PHF24: variants seen among roughly 807,000 people sequenced by gnomAD.
PHF24 encodes the protein PHD finger protein 24.
Under a neutral mutation model 42.6 loss-of-function variants are expected in PHF24, and 25 were observed. The observed-to-expected ratio is 0.59, with a 90% CI of 0.43 to 0.82. The LOEUF (loss-of-function observed/expected upper bound fraction) is 0.82, where lower values mean the gene tolerates loss of function less well. Ranked by LOEUF, PHF24 falls within the 40% of genes least tolerant of loss-of-function variation. PHF24 has a pLI of 0.00. For missense variants in PHF24, 470 were observed against 538.1 expected (o/e 0.87, Z 1.25); for synonymous variants, 185 against 204.8 (o/e 0.90, Z 0.83).
At chr9:34,677,946 A>C in the PHF24 span, among the ~76,000 whole-genome samples, 1 of 151,958 alleles carries the variant, frequency 6.6e-6, no homozygotes, top group Non-Finnish European at 1.5e-5. Flanking sequence ...TGTCAATTTG[A>C]TTGGATTGAA....
chr9:34,740,548 C>A, the PHF24 span, among the ~76,000 whole-genome samples: 1 of 152,226 alleles, frequency 6.6e-6, no homozygotes, highest in African/African-American at 2.4e-5. Flanking sequence ...CCCGCCAAGC[C>A]CACGCCCACC....
the PHF24 span, among the ~76,000 whole-genome samples, chr9:34,934,074 C>T: frequency 1.3e-5 from 2 of 152,234 alleles, no homozygotes; most frequent in South Asian, 2.1e-4. Context: ...ACCATCTTCA[C>T]GAGTTATTCT....
At chr9:34,892,295 A>T in the PHF24 span, among the ~76,000 whole-genome samples, 1 of 152,218 alleles carries the variant, frequency 6.6e-6, no homozygotes, top group African/African-American at 2.4e-5. Flanking sequence ...AGCTTAGGTG[A>T]ACCAGCTAGC....
chr9:34,755,323 A>G, the PHF24 span, among the ~76,000 whole-genome samples: 1 of 152,160 alleles, frequency 6.6e-6, no homozygotes, highest in African/African-American at 2.4e-5. Flanking sequence ...ATATTCCATA[A>G]ATATATACAC....
the PHF24 span, among the ~76,000 whole-genome samples, chr9:34,794,363 A>G: frequency 4.6e-5 from 7 of 152,224 alleles, no homozygotes; most frequent in African/African-American, 1.7e-4. Context: ...AACGTTATCT[A>G]TAGGATTTAA....
the PHF24 span, chr9:34,835,599 C>T: frequency 2.2e-5 from 34 of 1,551,702 alleles, no homozygotes; most frequent in Non-Finnish European, 2.8e-5. Flanking sequence ...TCATCTCCTC[C>T]TGGTTCAGTG....
the PHF24 span, among the ~76,000 whole-genome samples, chr9:34,752,324 C>T: frequency 2.0e-5 from 3 of 151,934 alleles, no homozygotes; most frequent in Admixed American, 6.6e-5. Flanking sequence ...AGAGAGAAGA[C>T]TCACATAAAA....
At chr9:34,737,448 A>G in the PHF24 span, among the ~76,000 whole-genome samples, 1 of 152,160 alleles carries the variant, frequency 6.6e-6, no homozygotes, top group Non-Finnish European at 1.5e-5. Context: ...TCATCATTTG[A>G]TTGACATTTG....
At chr9:34,892,826 C>T in the PHF24 span, 10 of 685,306 alleles carry the variant, frequency 1.5e-5, no homozygotes, top group Admixed American at 1.9e-4. Context: ...ATCTTGGACG[C>T]TGTCTGCACC....
chr9:34,724,533 G>GT, the PHF24 span: 1 of 1,549,620 alleles, frequency 6.5e-7, no homozygotes, highest in Non-Finnish European at 8.7e-7. Context: ...ATTCCCCATT[G>GT]TATCTCTAGG....
the PHF24 span, among the ~76,000 whole-genome samples, chr9:34,938,256 G>A: frequency 6.6e-6 from 1 of 152,190 alleles, no homozygotes; most frequent in African/African-American, 2.4e-5. Flanking sequence ...GCAGTGAGGG[G>A]AAGTTCAGCA....
chr9:34,760,912 A>C, the PHF24 span, among the ~76,000 whole-genome samples: 3 of 152,064 alleles, frequency 2.0e-5, no homozygotes, highest in Non-Finnish European at 4.4e-5. Flanking sequence ...GGATTGCTTC[A>C]GCCCAGGAGG....
At chr9:34,970,083 G>A (rs1441011397) in intron 1 of PHF24, among the ~76,000 whole-genome samples, 1 of 152,172 alleles carries the variant, frequency 6.6e-6, no homozygotes, top group African/African-American at 2.4e-5. Context: ...ACATAATACT[G>A]TTCAATAAGC....
At chr9:34,789,212 C>G in the PHF24 span, among the ~76,000 whole-genome samples, 1 of 152,144 alleles carries the variant, frequency 6.6e-6, no homozygotes, top group Non-Finnish European at 1.5e-5. Context: ...ACTCTGATAC[C>G]GTGAAAACCT....
the PHF24 span, among the ~76,000 whole-genome samples, chr9:34,841,166 AT>A: frequency 6.6e-6 from 1 of 151,786 alleles, no homozygotes; most frequent in African/African-American, 2.4e-5. Flanking sequence ...CACCCGGCTA[AT>A]TTTTTGTATT....
the PHF24 span, among the ~76,000 whole-genome samples, chr9:34,856,184 A>C: frequency 2.1e-4 from 32 of 152,270 alleles, no homozygotes; most frequent in South Asian, 3.3e-3. Flanking sequence ...TTGTTTTACC[A>C]TGATTCTTAG....
At chr9:34,701,062 G>A in the PHF24 span, among the ~76,000 whole-genome samples, 11 of 152,154 alleles carry the variant, frequency 7.2e-5, no homozygotes, top group Non-Finnish European at 1.5e-4. The surrounding 1 kb of genome is among the most constrained non-coding windows in gnomAD (Gnocchi z 5.8). Flanking sequence ...CGTTTATACA[G>A]GGTTCTTGGT....
the PHF24 span, among the ~76,000 whole-genome samples, chr9:34,821,149 A>G: frequency 6.6e-6 from 1 of 152,116 alleles, no homozygotes; most frequent in Admixed American, 6.5e-5. Context: ...TCTTATTAGG[A>G]TTTTTAGAAC....
chr9:34,728,016 G>C, the PHF24 span: 1 of 1,551,918 alleles, frequency 6.4e-7, no homozygotes, highest in Non-Finnish European at 8.7e-7. Context: ...AAGAGCAATA[G>C]ATCACCTTTT....
Sources: gnomAD v4.1 joint callset for allele counts (sites outside exome capture counted in the v4.1 genomes callset) on GRCh38, gnomAD v4.1.1 for gene constraint, Gnocchi (gnomAD v3.1) non-coding constraint, MANE v1.5 for transcripts, NCBI Gene and HGNC (gene_info 2026-07-23, HGNC 2026-07-21) for gene names.